PIK3CD: variants seen among roughly 807,000 people sequenced by gnomAD.
PIK3CD encodes the protein phosphatidylinositol 4,5-bisphosphate 3-kinase catalytic subunit delta isoform.
A neutral mutation model predicts 122.9 loss-of-function variants in PIK3CD; 20 were observed. That is an observed-to-expected ratio of 0.16 (90% CI 0.11 to 0.24). The LOEUF (loss-of-function observed/expected upper bound fraction) is 0.24. Ranked by LOEUF, PIK3CD falls within the 10% of genes least tolerant of loss-of-function variation. PIK3CD has a pLI of 1.00. For synonymous variants in PIK3CD, 596 were observed against 593.4 expected (o/e 1.00, Z -0.06); for missense variants, 787 against 1,406.3 (o/e 0.56, Z 7.04).
intron 1 of PIK3CD, chr1:9,653,971 C>T: frequency 7.4e-7 from 1 of 1,345,156 alleles, no homozygotes; most frequent in East Asian, 4.7e-5. Context: ...TTTGGGAGGC[C>T]CAGACGGGAG....
chr1:9,721,764 C>G lies in PIK3CD; in HGVS notation c.1959C>G (p.Ser653=). Reference sequence around the variant, plus strand: ...CAGCCCTCCCTTCACCTTCCAGCTCCGAGATGCACGTGCCGTCGGTGGCCC... The same window carrying G: ...CAGCCCTCCCTTCACCTTCCAGCTCGGAGATGCACGTGCCGTCGGTGGCCC... The part of the protein sequence containing the change: ...IGHFLFWHLR[S]EMHVPSVALR... Residue 653 remains serine, a synonymous_variant, in exon 16 of 24, where the codon TCC becomes TCG. Transcript: ENST00000377346. 6.2e-7 allele frequency: 1 copy of G among 1,613,172 alleles called. No individual in the cohort carries two copies. The highest frequency in any genetic ancestry group is 8.5e-7 in the Non-Finnish European group (1 of 1,179,944).
intron 2 of PIK3CD, among the ~76,000 whole-genome samples, chr1:9,707,930 A>C (rs556314127): frequency 6.6e-5 from 10 of 150,988 alleles, no homozygotes; most frequent in African/African-American, 2.2e-4. Context: ...AGTAGCTGGG[A>C]CTATGGGTGC....
chr1:9,722,267 A>C lies in PIK3CD; in HGVS notation c.2258A>C (p.Asp753Ala). ...EVCVEQCTFM[D>A]SKMKPLWIMY... ...AGCGTGGAGCAGTGCACCTTCATGG[A>C]CTCCAAGATGAAGCCCCTGTGGATC... The change falls in exon 18 of 24, where the codon GAC becomes GCC. Residue 753 changes from aspartate to alanine, a missense_variant. Around this residue, in one of 6 missense-constraint regions of PIK3CD, gnomAD observed 69 missense variants for 166.8 expected, o/e 0.41. Coordinates refer to ENST00000377346, the MANE Select transcript of PIK3CD (RefSeq NM_005026.5). This position sits in a 1 kb window ranked among gnomAD's most constrained non-coding sequence, Gnocchi z 7.6. The C allele has an allele frequency of 3.1e-6, 5 of 1,613,344 alleles. No individual in the cohort carries two copies. Among genetic ancestry groups the C allele is most frequent in the Non-Finnish European group, 4.2e-6 (5 of 1,179,842 alleles).
In PIK3CD at chr1:9,719,642, CAG is replaced by C. The variant is rs1175449163; in HGVS notation, c.1243-276_1243-275del. Among the ~76,000 whole-genome samples, 2 of 145,540 alleles carry C rather than the reference CAG, an allele frequency of 1.4e-5. No individual in the cohort carries two copies. Among genetic ancestry groups the C allele is most frequent in the African/African-American group, 5.0e-5 (2 of 39,728 alleles). On this transcript the variant is annotated intron_variant, in intron 9 of 23. Transcript: ENST00000377346. The surrounding 1 kb of genome is among the most constrained non-coding windows in gnomAD (Gnocchi z 5.5). ...TGCCACTGCACTCCAGCCTGGGTGACAGAGCAAGACTCCGTCTCAAAAAAAAA... is the reference window on the plus strand; with the variant it reads ...TGCCACTGCACTCCAGCCTGGGTGACAGCAAGACTCCGTCTCAAAAAAAAA...
chr1:9,702,682 G>A (rs1468772965), intron 2 of PIK3CD, among the ~76,000 whole-genome samples: 3 of 151,014 alleles, frequency 2.0e-5, no homozygotes, highest in Non-Finnish European at 4.4e-5. Context: ...CACCATGCCC[G>A]GCTAACTTTT....
At chr1:9,637,443 G>A in the PIK3CD span, among the ~76,000 whole-genome samples, 1 of 152,138 alleles carries the variant, frequency 6.6e-6, no homozygotes, top group African/African-American at 2.4e-5. Flanking sequence ...TTGAGCCCGG[G>A]AGATCGAGGC....
In PIK3CD at chr1:9,717,222, T is replaced by C. The variant is rs1647633227; in HGVS notation, c.930+114T>C. 16 of 1,363,680 alleles carry C rather than the reference T, an allele frequency of 1.2e-5. No individual in the cohort carries two copies. Among genetic ancestry groups the C allele is most frequent in the Non-Finnish European group, 1.7e-5 (16 of 967,210 alleles). 84.5% of individuals were successfully genotyped at this position (1,363,680 alleles called of 1,614,324 possible). On this transcript the variant is annotated intron_variant, in intron 7 of 23. Transcript: ENST00000377346. This position sits in a 1 kb window ranked among gnomAD's most constrained non-coding sequence, Gnocchi z 5.4. ...GGCCCTTGGTATGGAGAGCTGGGGC[T>C]TTGAGCTGGGGAAGCCAACACAGCT...
rs1201424823 is a variant in PIK3CD, at chr1:9,724,909, C to T, written c.2970C>T (p.Ser990=). The change falls in exon 23 of 24, where the codon AGC becomes AGT. Residue 990 remains serine, a synonymous_variant. Transcript: ENST00000377346. The surrounding 1 kb of genome is among the most constrained non-coding windows in gnomAD (Gnocchi z 7.3). ...LMRAAGLPEL[S]CSKDIQYLKD... Reference sequence around the variant, plus strand: ...GGGCGGCAGGCCTGCCTGAGCTCAGCTGCTCCAAAGACATCCAGTATCTCA... The same window carrying T: ...GGGCGGCAGGCCTGCCTGAGCTCAGTTGCTCCAAAGACATCCAGTATCTCA... 6.2e-7 allele frequency: 1 copy of T among 1,613,904 alleles called. No homozygotes were observed. The highest frequency in any genetic ancestry group is 1.7e-5 in the Admixed American group (1 of 60,030).
intron 1 of PIK3CD, among the ~76,000 whole-genome samples, chr1:9,659,278 CAACA>C (rs1194369701): frequency 6.6e-6 from 1 of 152,078 alleles, no homozygotes; most frequent in African/African-American, 2.4e-5. Flanking sequence ...TTTACCTATG[CAACA>C]AACCTGCACG....
chr1:9,643,798 G>A, the PIK3CD span, among the ~76,000 whole-genome samples: 1 of 152,210 alleles, frequency 6.6e-6, no homozygotes, highest in East Asian at 1.9e-4. Context: ...CACAGTGGCA[G>A]GGCCAGGCAG....
chr1:9,695,746 G>T (rs998116012), intron 2 of PIK3CD, among the ~76,000 whole-genome samples: 5 of 151,650 alleles, frequency 3.3e-5, no homozygotes, highest in Non-Finnish European at 7.4e-5. Flanking sequence ...GGAGGCTGAG[G>T]CAGGAGAATC....
At chr1:9,640,895 T>C in the PIK3CD span, among the ~76,000 whole-genome samples, 11 of 152,226 alleles carry the variant, frequency 7.2e-5, no homozygotes, top group South Asian at 2.3e-3. Context: ...CCAGGGCCTT[T>C]GCACCATTTC....
intron 1 of PIK3CD, chr1:9,687,477 C>T (rs944435771): frequency 6.6e-6 from 1 of 152,154 alleles, no homozygotes; most frequent in African/African-American, 2.4e-5. Flanking sequence ...GGGAGCCTGA[C>T]TCACCCGTCG....
At chr1:9,665,141 C>G (rs1310814793) in intron 1 of PIK3CD, among the ~76,000 whole-genome samples, 1 of 144,194 alleles carries the variant, frequency 6.9e-6, no homozygotes, top group African/African-American at 2.6e-5. Context: ...GAGGTCAAGG[C>G]TGCAGTGAGC....
chr1:9,686,372 T>C (rs1412221266), intron 1 of PIK3CD, among the ~76,000 whole-genome samples: 2 of 151,908 alleles, frequency 1.3e-5, no homozygotes, highest in Non-Finnish European at 2.9e-5. Context: ...TTTCTTTTTT[T>C]TTTTTTTTTA....
rs1476140537 is a variant in PIK3CD at position 9,704,434 on chromosome 1, C to G, written c.-32-5990C>G. Among the ~76,000 whole-genome samples the G allele has an allele frequency of 1.3e-5, 2 of 152,200 alleles. No homozygotes were observed. Among genetic ancestry groups the G allele is most frequent in the Non-Finnish European group, 2.9e-5 (2 of 68,038 alleles). On this transcript the variant is annotated intron_variant, in intron 2 of 23. Transcript: ENST00000377346. This position sits in a 1 kb window ranked among gnomAD's most constrained non-coding sequence, Gnocchi z 5.0. ...ACCCCTGACTTTCAAAGCCCATGGT[C>G]AAAGCCCATTTCATGTCATAAGTGG...
chr1:9,663,957 C>T (rs1245175297), intron 1 of PIK3CD, among the ~76,000 whole-genome samples: 4 of 152,014 alleles, frequency 2.6e-5, no homozygotes, highest in Non-Finnish European at 5.9e-5. Context: ...TGTATATGTG[C>T]CACATTTTCT....
rs145316043 is a variant in PIK3CD, at chr1:9,709,175, A to C, written c.-32-1249A>C. On this transcript the variant is annotated intron_variant, in intron 2 of 23. Coordinates refer to ENST00000377346, the MANE Select transcript of PIK3CD (RefSeq NM_005026.5). ...CTCCTGGGTAGCTGGGATTACAGGCATGTGCCACCATGCCCGGCTAATTTT... is the reference window on the plus strand; with the variant it reads ...CTCCTGGGTAGCTGGGATTACAGGCCTGTGCCACCATGCCCGGCTAATTTT... 9.5e-3 allele frequency among the ~76,000 whole-genome samples: 1,439 copies of C among 152,004 alleles called. 28 individuals carry two copies. Among genetic ancestry groups the C allele is most frequent in the African/African-American group, 0.033 (1,362 of 41,458 alleles).
Position 9,710,363 on chromosome 1 carries a change from C to T in PIK3CD, c.-32-61C>T. On this transcript the variant is annotated intron_variant, in intron 2 of 23. Coordinates refer to ENST00000377346, the MANE Select transcript of PIK3CD (RefSeq NM_005026.5). The surrounding 1 kb of genome is among the most constrained non-coding windows in gnomAD (Gnocchi z 4.7). ...GACCCCACTGTTTTCCAGGGAGTCCCTTCCAAAGGTCTCACCCAGCTCAGC... is the reference window on the plus strand; with the variant it reads ...GACCCCACTGTTTTCCAGGGAGTCCTTTCCAAAGGTCTCACCCAGCTCAGC... 7.3e-7 allele frequency: 1 copy of T among 1,379,210 alleles called. No homozygotes were observed. The highest frequency in any genetic ancestry group is 1.2e-5 in the South Asian group (1 of 85,888). The allele number at this position is 1,379,210 out of a possible 1,614,324, so 85.4% of individuals were successfully genotyped here.
Sources: gnomAD v4.1 joint callset for allele counts (sites outside exome capture counted in the v4.1 genomes callset) on GRCh38, gnomAD v4.1.1 for gene constraint, gnomAD v4.1.1 regional missense constraint, Gnocchi (gnomAD v3.1) non-coding constraint, MANE v1.5 for transcripts, NCBI Gene and HGNC (gene_info 2026-07-23, HGNC 2026-07-21) for gene names.